Variants in DDHD2 observed in about 807,000 individuals in gnomAD.
The protein encoded by DDHD2 is DDHD domain containing 2.
DDHD2 carries 62 observed loss-of-function variants against 91.2 expected under a neutral mutation model. That is an observed-to-expected ratio of 0.68 (90% CI 0.55 to 0.84). The LOEUF is 0.84. Ranked by LOEUF, DDHD2 falls within the 40% of genes least tolerant of loss-of-function variation. The pLI is 0.00. For missense variants in DDHD2, 740 were observed against 846.9 expected (o/e 0.87, Z 1.57); for synonymous variants, 271 against 293.9 (o/e 0.92, Z 0.80).
intron 7 of DDHD2, 140 bp from the exon 8 acceptor site, chr8:38,245,600 CAT>C (rs1805571212): frequency 1.3e-6 from 1 of 747,784 alleles, no homozygotes; most frequent in Non-Finnish European, 2.2e-6. Flanking sequence ...CTTCATTACA[CAT>C]GTTCCTTTGT....
chr8:38,237,951 C>T (rs1804934404), intron 4 of DDHD2, 138 bp from the exon 5 acceptor site: 3 of 792,178 alleles, frequency 3.8e-6, no homozygotes, highest in Non-Finnish European at 5.8e-6. Flanking sequence ...CATTTCAAGC[C>T]ATACGAGTTG....
Position 38,238,667 on chromosome 8 carries a change from CTT to C in DDHD2, c.622+459_622+460del, listed in dbSNP as rs1464755297. 3 of 976,548 alleles carry C rather than the reference CTT, an allele frequency of 3.1e-6. No homozygotes were observed. In the African/African-American group the frequency reaches 5.3e-5, roughly 17 times the overall value. 60.5% of individuals were successfully genotyped at this position (976,548 alleles called of 1,614,324 possible). A position where few individuals can be genotyped will look rare whatever the true frequency, so the allele number is the denominator to read the frequency against. On this transcript the variant is annotated intron_variant, in intron 5 of 17. Coordinates refer to ENST00000397166, the MANE Select transcript of DDHD2 (RefSeq NM_015214.3). ...TTATAATATTCCTTTTTTCTTGTCT[CTT>C]GGACAAAATCCTAGCTTTACTGTAA...
chr8:38,238,784 T>C, intron 5 of DDHD2: 1 of 675,250 alleles, frequency 1.5e-6, no homozygotes, highest in Non-Finnish European at 1.8e-6. Context: ...TTTATCAATG[T>C]TCAGTTGCCT....
downstream of DDHD2, chr8:38,266,376 TAGG>T (rs1350471680): frequency 7.3e-7 from 1 of 1,361,570 alleles, no homozygotes; most frequent in South Asian, 1.3e-5. Flanking sequence ...CATCCCCACA[TAGG>T]AGGCTAGGAA....
At position 38,247,770 on chromosome 8, in the gene DDHD2, A is replaced by C. The variant is rs1215878914; in HGVS notation, c.1183A>C (p.Lys395Gln). 6.3e-7 allele frequency: 1 copy of C among 1,582,332 alleles called. No individual in the cohort carries two copies. Among genetic ancestry groups the C allele is most frequent in the Non-Finnish European group, 8.6e-7 (1 of 1,162,084 alleles). ...TACACCTACACTAGAGGAAGATTTG[A>C]AGAAACTTCAGCTCTCTGAATTCTT... ...GDTPTLEEDL[K>Q]KLQLSEFFDI... The change falls in exon 10 of 18, where the codon AAG becomes CAG. Residue 395 changes from lysine (K) to glutamine (Q), a missense_variant. Transcript: ENST00000397166.
At position 38,253,541 on chromosome 8, in the gene DDHD2, T is replaced by C. The variant is rs775686408; in HGVS notation, c.1892-15T>C. Reference sequence around the variant, plus strand: ...AAAAGGTTTTAGATTCTTATTATGGTTCTTCCATATCCAGATGTTAACACA... The same window carrying C: ...AAAAGGTTTTAGATTCTTATTATGGCTCTTCCATATCCAGATGTTAACACA... On this transcript the variant is annotated splice_polypyrimidine_tract_variant and intron_variant, in intron 15 of 17. Transcript: ENST00000397166. The C allele has an allele frequency of 1.1e-5, 17 of 1,605,456 alleles. No individual in the cohort carries two copies. The South Asian group carries it at 1.9e-4, about 18-fold the overall frequency.
At chr8:38,264,149 C>G, downstream of DDHD2, 1 of 1,029,832 alleles carries the variant, frequency 9.7e-7, no homozygotes, top group South Asian at 4.0e-5. Context: ...GAGATAGATT[C>G]AATTTTTTTT....
At chr8:38,250,038 T>A (rs987106365) in intron 11 of DDHD2, 2 of 219,638 alleles carry the variant, frequency 9.1e-6, no homozygotes, top group Admixed American at 5.2e-5. Context: ...TGCCTCAGCC[T>A]CTCGAGTAGC....
downstream of DDHD2, chr8:38,264,068 G>T: frequency 3.0e-6 from 3 of 989,930 alleles, no homozygotes; most frequent in Non-Finnish European, 3.6e-6. Flanking sequence ...CCTTGGAAGG[G>T]GAAAAAAAGG....
chr8:38,242,417 GC>G, intron 7 of DDHD2, 32 bp downstream of exon 7: 2 of 1,599,018 alleles, frequency 1.3e-6, no homozygotes, highest in Non-Finnish European at 1.7e-6. Flanking sequence ...CGAGTTGTTA[GC>G]TGTGATTATA....
intron 5 of DDHD2, chr8:38,238,732 C>A: frequency 1.1e-6 from 1 of 910,584 alleles, no homozygotes; most frequent in Non-Finnish European, 1.3e-6. Context: ...GCTTTAAAAA[C>A]ATACCAAACA....
chr8:38,268,584 T>C (rs1808098309), intron 1 of DDHD2: 1 of 1,458,050 alleles, frequency 6.9e-7, no homozygotes, highest in African/African-American at 1.4e-5. Context: ...TGAGTGCGCG[T>C]AACCGGGCGC....
chr8:38,244,861 GC>G (rs1444038280), intron 7 of DDHD2, among the ~76,000 whole-genome samples: 2 of 152,066 alleles, frequency 1.3e-5, no homozygotes, highest in African/African-American at 2.4e-5. Context: ...ACCGCTCCTG[GC>G]CCTGAACAGT....
chr8:38,232,749 C>G (rs1804384992), intron 1 of DDHD2, among the ~76,000 whole-genome samples: 1 of 152,138 alleles, frequency 6.6e-6, no homozygotes, highest in Admixed American at 6.6e-5. Context: ...AGTAAAATTA[C>G]CCAGTTTACT....
At chr8:38,232,432 G>A (rs1249316877) in intron 1 of DDHD2, among the ~76,000 whole-genome samples, 1 of 152,254 alleles carries the variant, frequency 6.6e-6, no homozygotes, top group Non-Finnish European at 1.5e-5. Flanking sequence ...CCCCAGGCGA[G>A]GTTTCGTCTT....
intron 7 of DDHD2, among the ~76,000 whole-genome samples, chr8:38,243,984 G>T (rs1805436075): frequency 6.6e-6 from 1 of 151,230 alleles, no homozygotes; most frequent in South Asian, 2.1e-4. Flanking sequence ...TGTATTTTTG[G>T]TAGAGACAGG....
At chr8:38,239,505 G>A (rs1805073565) in intron 5 of DDHD2, among the ~76,000 whole-genome samples, 1 of 150,942 alleles carries the variant, frequency 6.6e-6, no homozygotes, top group Non-Finnish European at 1.5e-5. Context: ...CTAACACGGT[G>A]AAACACCCTG....
intron 2 of DDHD2, among the ~76,000 whole-genome samples, chr8:38,233,854 G>A (rs1275297178): frequency 1.3e-5 from 2 of 151,594 alleles, no homozygotes; most frequent in African/African-American, 4.8e-5. Context: ...GCTCAAACCC[G>A]GGAGGCGGAG....
chr8:38,269,720 C>A (rs992593647), intron 1 of DDHD2: 2 of 153,624 alleles, frequency 1.3e-5, no homozygotes, highest in African/African-American at 4.8e-5. Context: ...ACATACAGGA[C>A]AATTTATTGA....
Sources: gnomAD v4.1 joint callset for allele counts (sites outside exome capture counted in the v4.1 genomes callset) on GRCh38, gnomAD v4.1.1 for gene constraint, MANE v1.5 for transcripts, NCBI Gene and HGNC (gene_info 2026-07-23, HGNC 2026-07-21) for gene names.